The following SMC3 variants were observed in gnomAD, a reference collection of about 807,000 sequenced individuals.
The protein encoded by SMC3 is structural maintenance of chromosomes protein 3.
In SMC3, 20 loss-of-function variants were observed where a neutral mutation model predicts 171.8. The ratio of observed to expected loss-of-function variants is 0.12; its 90% CI spans 0.08 to 0.17. The LOEUF (loss-of-function observed/expected upper bound fraction) is 0.17. SMC3 is among the 10% of genes least tolerant of loss of function. The pLI, the probability that SMC3 is intolerant of heterozygous loss-of-function variation, is 1.00. For synonymous variants in SMC3, 464 were observed against 451.1 expected (o/e 1.03, Z -0.36); for missense variants, 543 against 1,420.4 (o/e 0.38, Z 9.93).
rs1439328570 is a variant in SMC3 at position 110,567,746 on chromosome 10, C to T, written c.-71C>T. The T allele has an allele frequency of 9.4e-6, 15 of 1,595,632 alleles. No individual in the cohort carries two copies. The highest frequency in any genetic ancestry group is 4.4e-5 in the South Asian group (4 of 90,664). ...TTTGGGGGAGGGGTCGCGTAGGCGC[C>T]TCACCTGACCCTGCGGCCGTGCGGT... On this transcript the variant is annotated 5_prime_UTR_variant, in exon 1 of 29. Coordinates refer to ENST00000361804, the MANE Select transcript of SMC3 (RefSeq NM_005445.4).
In SMC3 at chr10:110,596,522, C is replaced by T. The variant is rs1469259587; in HGVS notation, c.2088C>T (p.Leu696=). 3 of 1,613,910 alleles carry T rather than the reference C, an allele frequency of 1.9e-6. No homozygotes were observed. Among genetic ancestry groups the T allele is most frequent in the Non-Finnish European group, 2.5e-6 (3 of 1,179,914 alleles). Reference sequence around the variant, plus strand: ...AACTAGGTGAACTTGAAGCAAAGCTCAATGAAAACCTGCGCAGAAATATTG... The same window carrying T: ...AACTAGGTGAACTTGAAGCAAAGCTTAATGAAAACCTGCGCAGAAATATTG... ...EEELGELEAK[L]NENLRRNIER... is the part of the protein sequence containing the mutation. The change falls in exon 19 of 29, where the codon CTC becomes CTT. Residue 696 remains leucine (L), a synonymous_variant. Transcript: ENST00000361804.
chr10:110,569,280 G>A, intron 2 of SMC3, among the ~76,000 whole-genome samples: 1 of 151,994 alleles, frequency 6.6e-6, no homozygotes, highest in South Asian at 2.1e-4. Flanking sequence ...AAGCATTTCC[G>A]CTCTTCTGTT....
chr10:110,588,567 C>A (rs561824373), intron 13 of SMC3, among the ~76,000 whole-genome samples: 1 of 152,218 alleles, frequency 6.6e-6, no homozygotes, highest in East Asian at 1.9e-4. Context: ...TTATTGCTTC[C>A]CAGTAAGGCA....
chr10:110,596,043 G>A (rs1003560036), intron 18 of SMC3, among the ~76,000 whole-genome samples: 18 of 147,106 alleles, frequency 1.2e-4, no homozygotes, highest in African/African-American at 4.3e-4. Flanking sequence ...TTCGAGAACC[G>A]CCTGGGCACA....
chr10:110,591,978 T>C (rs1861212192), intron 17 of SMC3, among the ~76,000 whole-genome samples: 2 of 151,988 alleles, frequency 1.3e-5, no homozygotes, highest in South Asian at 4.2e-4. Context: ...AAAACCAAAC[T>C]TAGGGCCAGG....
At chr10:110,589,528 G>A (rs571365297) in intron 13 of SMC3, 77 bp from the exon 14 acceptor site, 3 of 957,136 alleles carry the variant, frequency 3.1e-6, no homozygotes, top group South Asian at 2.9e-5. Flanking sequence ...CCATCCATCT[G>A]CAACCACTGA....
In SMC3 at chr10:110,581,105, A is replaced by G. The variant is rs1861022702; in HGVS notation, c.547+84A>G. On this transcript the variant is annotated intron_variant, in intron 8 of 28. Transcript: ENST00000361804. ...AGTGGCTCCATGATGGGAATATAGTAGGTGTTTAGTATATGACAGCATTAG... is the reference window on the plus strand; with the variant it reads ...AGTGGCTCCATGATGGGAATATAGTGGGTGTTTAGTATATGACAGCATTAG... 6.3e-6 allele frequency: 5 copies of G among 798,096 alleles called. No homozygotes were observed. The East Asian group carries it at 1.2e-4, about 20-fold the overall frequency. 49.4% of individuals were successfully genotyped at this position (798,096 alleles called of 1,614,324 possible). A position where few individuals can be genotyped will look rare whatever the true frequency, so the allele number is the denominator to read the frequency against.
chr10:110,576,912 A>G (rs1024252308), intron 4 of SMC3, among the ~76,000 whole-genome samples: 1 of 152,116 alleles, frequency 6.6e-6, no homozygotes, highest in African/African-American at 2.4e-5. Context: ...GAATGTCTCA[A>G]TTTTTCTTAA....
In SMC3 at chr10:110,602,747, A is replaced by G. The variant is rs748620602; in HGVS notation, c.3298-78A>G. 1,724 of 1,561,252 alleles carry G rather than the reference A, an allele frequency of 1.1e-3. 2 individuals are homozygous for G. Among genetic ancestry groups the G allele is most frequent in the Non-Finnish European group, 1.4e-3 (1,544 of 1,132,042 alleles). ...TATCTTTTGCAAATCTGATTGGTGC[A>G]TTATATGCAAGTTACTTTTGAAAGA... On this transcript the variant is annotated intron_variant, in intron 26 of 28. Transcript: ENST00000361804.
In SMC3 at chr10:110,583,996, A is replaced by G. The variant is rs563995046; in HGVS notation, c.1091+34A>G. On this transcript the variant is annotated intron_variant, in intron 12 of 28. Transcript: ENST00000361804. ...ACTTTCACCAACACTTTAACTTTCT[A>G]CATCATATTATGTAAAACTAGGTTG... 3.5e-4 allele frequency: 568 copies of G among 1,610,624 alleles called. 8 individuals carry two copies. In the South Asian group the frequency reaches 5.9e-3, roughly 17 times the overall value.
intron 7 of SMC3, 29 bp downstream of exon 7, chr10:110,578,735 A>G: frequency 6.6e-7 from 1 of 1,514,736 alleles, no homozygotes; most frequent in African/African-American, 1.4e-5. Flanking sequence ...CTTTTTAAGT[A>G]GAATTTGTTT....
chr10:110,596,379 A>C lies in SMC3; in HGVS notation c.1964-19A>C. The C allele has an allele frequency of 1.9e-6, 3 of 1,610,514 alleles. No individual in the cohort carries two copies. The highest frequency in any genetic ancestry group is 2.5e-6 in the Non-Finnish European group (3 of 1,178,176). ...AATAAAAAAGTTGTACAGACCTATTACATATGTTTTGTTTATAGGTGACCA... is the reference window on the plus strand; with the variant it reads ...AATAAAAAAGTTGTACAGACCTATTCCATATGTTTTGTTTATAGGTGACCA... On this transcript the variant is annotated intron_variant, in intron 18 of 28. Transcript: ENST00000361804.
At chr10:110,593,493 A>G (rs1321570927) in intron 18 of SMC3, among the ~76,000 whole-genome samples, 1 of 151,860 alleles carries the variant, frequency 6.6e-6, no homozygotes, top group Non-Finnish European at 1.5e-5. Flanking sequence ...AATTGCTTGA[A>G]CCTGGGAGGC....
chr10:110,594,512 C>T (rs1333973183), intron 18 of SMC3, among the ~76,000 whole-genome samples: 6 of 151,820 alleles, frequency 4.0e-5, no homozygotes, highest in African/African-American at 1.5e-4. Context: ...TTGTCGTGTT[C>T]GTTATAGAAG....
chr10:110,600,273 T>C lies in SMC3; in HGVS notation c.2428-166T>C, dbSNP rs79247453. ...AGCCACAAAAATTTAACATTATGAA[T>C]TGATAAGAGAAAAATGAAGAAAGTA... On this transcript the variant is annotated intron_variant, in intron 21 of 28. Transcript: ENST00000361804. 8.9e-3 allele frequency among the ~76,000 whole-genome samples: 1,361 copies of C among 152,290 alleles called. 20 individuals are homozygous for C. Among genetic ancestry groups the C allele is most frequent in the African/African-American group, 0.03 (1,246 of 41,560 alleles).
At chr10:110,588,837 A>G (rs2134734370) in intron 13 of SMC3, among the ~76,000 whole-genome samples, 1 of 152,018 alleles carries the variant, frequency 6.6e-6, no homozygotes, top group Admixed American at 6.5e-5. Context: ...TTTTTAACTC[A>G]TTTTTCTTGA....
chr10:110,567,750 C>T lies in SMC3; in HGVS notation c.-67C>T, dbSNP rs1325706868. ...GGGGAGGGGTCGCGTAGGCGCCTCA[C>T]CTGACCCTGCGGCCGTGCGGTTGCT... On this transcript the variant is annotated 5_prime_UTR_variant, in exon 1 of 29. Transcript: ENST00000361804. 7 of 1,603,180 alleles carry T rather than the reference C, an allele frequency of 4.4e-6. No homozygotes were observed. Among genetic ancestry groups the T allele is most frequent in the African/African-American group, 2.7e-5 (2 of 74,726 alleles).
At chr10:110,577,564 CTTT>C (rs1860970807) in intron 5 of SMC3, 72 bp downstream of exon 5, 3 of 1,034,374 alleles carry the variant, frequency 2.9e-6, no homozygotes, top group South Asian at 1.3e-5. Context: ...TACTTTGAAA[CTTT>C]TTAAGCTTTT....
intron 2 of SMC3, 76 bp downstream of exon 2, chr10:110,569,089 C>A: frequency 1.1e-6 from 1 of 917,560 alleles, no homozygotes; most frequent in Non-Finnish European, 1.8e-6. Context: ...TCTATATTGG[C>A]TTAAGGAGAC....
Sources: gnomAD v4.1 joint callset for allele counts (sites outside exome capture counted in the v4.1 genomes callset) on GRCh38, gnomAD v4.1.1 for gene constraint, MANE v1.5 for transcripts, NCBI Gene and HGNC (gene_info 2026-07-23, HGNC 2026-07-21) for gene names.